Variants in NATD1 observed in about 807,000 individuals in gnomAD.
NATD1 encodes protein NATD1.
In NATD1, 9 loss-of-function variants were observed where a neutral mutation model predicts 12.0. The ratio of observed to expected loss-of-function variants is 0.75; its 90% CI spans 0.45 to 1.30. NATD1 has a LOEUF of 1.30. Among genes scored for constraint, NATD1 ranks in the 50% most tolerant of loss-of-function variants. The probability of loss-of-function intolerance (pLI) is 0.00; values close to 1 mark genes in which losing one functional copy is unlikely to be tolerated. For missense variants in NATD1, 148 were observed against 148.5 expected (o/e 1.00, Z 0.02); for synonymous variants, 71 against 65.9 (o/e 1.08, Z -0.37).
Position 21,240,813 on chromosome 17 carries a change from A to AGATGG in NATD1, c.*2495_*2499dup, listed in dbSNP as rs1463322034. 1 of 152,810 alleles carries AGATGG rather than the reference A, an allele frequency of 6.5e-6. No homozygotes were observed. The highest frequency in any genetic ancestry group is 1.5e-5 in the Non-Finnish European group (1 of 68,190). 9.5% of individuals were successfully genotyped at this position (152,810 alleles called of 1,614,324 possible). A position where few individuals can be genotyped will look rare whatever the true frequency, so the allele number is the denominator to read the frequency against. On this transcript the variant is annotated 3_prime_UTR_variant, in exon 3 of 3. Transcript: ENST00000611551. The stretch of plus-strand genomic sequence containing the variant: ...GCTGCCAGGCAGACAGGGTAGCACC[A>AGATGG]GATGGGATGGGCTGGGGGCTCCAGG...
chr17:21,252,808 C>T (rs889964634), intron 1 of NATD1, among the ~76,000 whole-genome samples: 4 of 152,106 alleles, frequency 2.6e-5, no homozygotes, highest in African/African-American at 4.8e-5. Flanking sequence ...GGTGCGGGTC[C>T]CCTGCGGCTG....
intron 1 of NATD1, among the ~76,000 whole-genome samples, chr17:21,250,703 G>A (rs951284787): frequency 1.1e-4 from 17 of 152,166 alleles, no homozygotes; most frequent in Non-Finnish European, 2.1e-4. Flanking sequence ...GAAATAAAGT[G>A]ACTCCAGGTG....
chr17:21,246,409 G>T (rs1316818997), intron 1 of NATD1, among the ~76,000 whole-genome samples: 1 of 151,826 alleles, frequency 6.6e-6, no homozygotes, highest in Non-Finnish European at 1.5e-5. Flanking sequence ...AGCTACTTGG[G>T]AGGCTGAGGC....
In NATD1 at chr17:21,244,088, G is replaced by A; in HGVS notation, c.225+18C>T. The A allele has an allele frequency of 6.2e-7, 1 of 1,601,258 alleles. No individual in the cohort carries two copies. The highest frequency in any genetic ancestry group is 8.5e-7 in the Non-Finnish European group (1 of 1,172,758). Reference sequence around the variant, plus strand: ...CATGTCCCCGTCCCCGCTTGGCCCTGCCACCTGCCTGCCCTACCTTGGCAA... The same window carrying A: ...CATGTCCCCGTCCCCGCTTGGCCCTACCACCTGCCTGCCCTACCTTGGCAA... On this transcript the variant is annotated intron_variant, in intron 2 of 2. Coordinates refer to ENST00000611551, the MANE Select transcript of NATD1 (RefSeq NM_152914.3). The surrounding 1 kb of genome is among the most constrained non-coding windows in gnomAD (Gnocchi z 5.2).
At chr17:21,253,089 C>A in intron 1 of NATD1, 70 bp downstream of exon 1, 1 of 830,304 alleles carries the variant, frequency 1.2e-6, no homozygotes, top group African/African-American at 1.9e-5. Context: ...AGGCACCCAG[C>A]AAGGGGGCGG....
intron 1 of NATD1, among the ~76,000 whole-genome samples, chr17:21,246,530 A>AC (rs570657306): frequency 3.0e-4 from 46 of 151,534 alleles, no homozygotes; most frequent in Non-Finnish European, 5.7e-4. Context: ...AAAAAGAAAA[A>AC]AAAAAAAAAA....
chr17:21,246,321 C>A (rs930283350), intron 1 of NATD1, among the ~76,000 whole-genome samples: 8 of 152,090 alleles, frequency 5.3e-5, no homozygotes, highest in African/African-American at 1.9e-4. Flanking sequence ...CGAGACCAGC[C>A]TGGCCAACAT....
rs1432449778 is a variant in NATD1, at chr17:21,242,032, A to T, written c.*1281T>A. 6.7e-6 allele frequency: 1 copy of T among 149,412 alleles called. No homozygotes were observed. The highest frequency in any genetic ancestry group is 1.5e-5 in the Non-Finnish European group (1 of 67,408). 9.3% of individuals were successfully genotyped at this position (149,412 alleles called of 1,614,324 possible). On this transcript the variant is annotated 3_prime_UTR_variant, in exon 3 of 3. Transcript: ENST00000611551. ...CCTGTACTGCCCAGAGCCCAGCCTGACTCCCCCCGAAGCCGGGTAGGGATG... is the reference window on the plus strand; with the variant it reads ...CCTGTACTGCCCAGAGCCCAGCCTGTCTCCCCCCGAAGCCGGGTAGGGATG...
Position 21,243,351 on chromosome 17 carries a change from T to C in NATD1, c.304A>G (p.Asn102Asp). 6.2e-7 allele frequency: 1 copy of C among 1,613,260 alleles called. No homozygotes were observed. The highest frequency in any genetic ancestry group is 8.5e-7 in the Non-Finnish European group (1 of 1,179,938). The change falls in exon 3 of 3, where the codon AAC becomes GAC. Residue 102 changes from asparagine to aspartate, a missense_variant. Asn to Asp is a conservative substitution (Grantham distance 23, BLOSUM62 1). Coordinates refer to ENST00000611551, the MANE Select transcript of NATD1 (RefSeq NM_152914.3). ...CWYIQKYVKE[N>D]PLPQYLERLQ... ...CGCTCCAGGTACTGCGGCAGGGGGT[T>C]CTCCTTGACGTACTTCTGGATGTAC...
At position 21,253,306 on chromosome 17, in the gene NATD1, C is replaced by A; in HGVS notation, c.-42G>T. On this transcript the variant is annotated 5_prime_UTR_variant, in exon 1 of 3. Transcript: ENST00000611551. ...GGCGCGGCGCCGGCGGGGGCCGGGG[C>A]GCGCGGGGAAAGGTCAGGCGCGCGG... The A allele has an allele frequency of 1.1e-6, 1 of 894,832 alleles. No individual in the cohort carries two copies. Among genetic ancestry groups the A allele is most frequent in the Non-Finnish European group, 1.3e-6 (1 of 748,644 alleles). The allele number at this position is 894,832 out of a possible 1,614,324, so 55.4% of individuals were successfully genotyped here. A position where few individuals can be genotyped will look rare whatever the true frequency, so the allele number is the denominator to read the frequency against.
chr17:21,245,842 C>CAT (rs1290334392), intron 1 of NATD1, among the ~76,000 whole-genome samples: 3 of 152,216 alleles, frequency 2.0e-5, no homozygotes, highest in African/African-American at 7.2e-5. Context: ...CACACCAGCC[C>CAT]TGCTGCCTCC....
At chr17:21,247,793 T>A (rs1007178) in intron 1 of NATD1, among the ~76,000 whole-genome samples, 1 of 152,088 alleles carries the variant, frequency 6.6e-6, no homozygotes, top group Non-Finnish European at 1.5e-5. Context: ...GCCTAGAGGC[T>A]ATGCCTGTGT....
intron 1 of NATD1, among the ~76,000 whole-genome samples, chr17:21,247,865 T>G (rs1410447959): frequency 6.6e-6 from 1 of 152,150 alleles, no homozygotes; most frequent in Non-Finnish European, 1.5e-5. Flanking sequence ...CTGACAGTGC[T>G]ACCCTGGTGT....
In NATD1 at chr17:21,244,581, G is replaced by C. The variant is rs182452498; in HGVS notation, c.107-357C>G. ...CCCACCCCACCACATCCCTGGATCT[G>C]GGAGTCCCAGAACCCAGCACTGGAC... is the stretch of plus-strand genomic sequence containing the variant. On this transcript the variant is annotated intron_variant, in intron 1 of 2. Coordinates refer to ENST00000611551, the MANE Select transcript of NATD1 (RefSeq NM_152914.3). This position sits in a 1 kb window ranked among gnomAD's most constrained non-coding sequence, Gnocchi z 5.2. 8.5e-5 allele frequency among the ~76,000 whole-genome samples: 13 copies of C among 152,250 alleles called. No individual in the cohort carries two copies. The East Asian group carries it at 2.5e-3, about 29-fold the overall frequency.
At chr17:21,252,734 T>C (rs1388192432) in intron 1 of NATD1, among the ~76,000 whole-genome samples, 9 of 152,124 alleles carry the variant, frequency 5.9e-5, no homozygotes, top group African/African-American at 2.2e-4. Flanking sequence ...TGACCAACTT[T>C]CCAGGATCTC....
chr17:21,247,611 G>C (rs1173687937), intron 1 of NATD1, among the ~76,000 whole-genome samples: 4 of 152,202 alleles, frequency 2.6e-5, no homozygotes, highest in Non-Finnish European at 5.9e-5. Context: ...TCGGGACTGG[G>C]GTAAGATCAC....
Position 21,253,229 on chromosome 17 carries a change from C to T in NATD1, c.36G>A (p.Ala12=), listed in dbSNP as rs1332833102. The change falls in exon 1 of 3, where the codon GCG becomes GCA. Residue 12 remains alanine, a synonymous_variant. Transcript: ENST00000611551. Reference sequence around the variant, plus strand: ...CGCGGATGGGGCAGCCCTGCTCCAGCGCGCCCAGCGGCACGGCGGCAGCCG... The same window carrying T: ...CGCGGATGGGGCAGCCCTGCTCCAGTGCGCCCAGCGGCACGGCGGCAGCCG... The part of the protein sequence containing the change: ...AHSAAAVPLG[A]LEQGCPIRVE... The T allele has an allele frequency of 3.0e-6, 3 of 1,002,174 alleles. No individual in the cohort carries two copies. Among genetic ancestry groups the T allele is most frequent in the Non-Finnish European group, 3.6e-6 (3 of 842,494 alleles). 62.1% of individuals were successfully genotyped at this position (1,002,174 alleles called of 1,614,324 possible).
Position 21,245,925 on chromosome 17 carries a change from C to T in NATD1, c.107-1701G>A, listed in dbSNP as rs369186128. ...GCCAAGGCCCAGCTGTGGCCACTGC[C>T]GCCTGTCCTGGCTGCACAGCAAGGG... On this transcript the variant is annotated intron_variant, in intron 1 of 2. Coordinates refer to ENST00000611551, the MANE Select transcript of NATD1 (RefSeq NM_152914.3). Among the ~76,000 whole-genome samples, 742 of 152,354 alleles carry T rather than the reference C, an allele frequency of 4.9e-3. 4 individuals are homozygous for T. The highest frequency in any genetic ancestry group is 0.017 in the African/African-American group (719 of 41,582).
At chr17:21,248,704 T>G (rs556608028) in intron 1 of NATD1, among the ~76,000 whole-genome samples, 2 of 152,232 alleles carry the variant, frequency 1.3e-5, no homozygotes, top group East Asian at 3.9e-4. Flanking sequence ...GGCCCTTATC[T>G]GGGCAGCTCT....
Sources: gnomAD v4.1 joint callset for allele counts (sites outside exome capture counted in the v4.1 genomes callset) on GRCh38, gnomAD v4.1.1 for gene constraint, Gnocchi (gnomAD v3.1) non-coding constraint, MANE v1.5 for transcripts, NCBI Gene and HGNC (gene_info 2026-07-23, HGNC 2026-07-21) for gene names.